UPB1: variants seen among roughly 807,000 people sequenced by gnomAD.
The protein encoded by UPB1 is beta-ureidopropionase 1.
In UPB1, 40 loss-of-function variants were observed where a neutral mutation model predicts 49.1. That is an observed-to-expected ratio of 0.81 (90% CI 0.63 to 1.06). The LOEUF (loss-of-function observed/expected upper bound fraction) is 1.06. UPB1 is among the 50% of genes least tolerant of loss of function. UPB1 has a pLI of 0.00. For missense variants in UPB1, 499 were observed against 505.9 expected, an observed-to-expected ratio of 0.99 and a Z score of 0.13; for synonymous variants, 207 against 198.2, an observed-to-expected ratio of 1.04 and a Z score of -0.38.
chr22:24,517,939 C>T (rs537874626), intron 6 of UPB1, among the ~76,000 whole-genome samples: 155 of 152,260 alleles, frequency 1.0e-3, no homozygotes, highest in African/African-American at 3.3e-3. Flanking sequence ...CCAAGGCTGG[C>T]GGATCACTTG....
At chr22:24,522,457 C>T (rs2044411489) in intron 8 of UPB1, among the ~76,000 whole-genome samples, 1 of 152,194 alleles carries the variant, frequency 6.6e-6, no homozygotes, top group African/African-American at 2.4e-5. Context: ...TTCTAGAGTC[C>T]ATGGCTTGTT....
chr22:24,507,392 A>G (rs951226685), intron 3 of UPB1, among the ~76,000 whole-genome samples: 1 of 151,932 alleles, frequency 6.6e-6, no homozygotes, highest in African/African-American at 2.4e-5. Flanking sequence ...CATTGGCGGG[A>G]TATTTACTGT....
chr22:24,501,366 C>T (rs1338652101), intron 2 of UPB1, among the ~76,000 whole-genome samples: 6 of 152,232 alleles, frequency 3.9e-5, no homozygotes, highest in Non-Finnish European at 8.8e-5. Flanking sequence ...GGGAGCCAGG[C>T]ATTGTGCCAA....
chr22:24,525,451 C>G (rs1005971815), intron 9 of UPB1, among the ~76,000 whole-genome samples: 1 of 152,182 alleles, frequency 6.6e-6, no homozygotes, highest in Non-Finnish European at 1.5e-5. Context: ...TCCCCTTCTC[C>G]ATCCTGCCTC....
chr22:24,525,719 C>T lies in UPB1; in HGVS notation c.1080C>T (p.Gly360=), dbSNP rs2044472008. The change falls in exon 10 of 10, where the codon GGC becomes GGT. Residue 360 remains glycine (G), a synonymous_variant. Coordinates refer to ENST00000326010, the MANE Select transcript of UPB1 (RefSeq NM_016327.3). Reference sequence around the variant, plus strand: ...CTGTGTTTTGCTTTCAGATGACGGGCAGGTATGAGATGTACGCACGGGAGC... The same window carrying T: ...CTGTGTTTTGCTTTCAGATGACGGGTAGGTATGAGATGTACGCACGGGAGC... ...VNDVWNFKMT[G]RYEMYARELA... is the part of the protein sequence containing the mutation. 6.2e-7 allele frequency: 1 copy of T among 1,614,148 alleles called. No homozygotes were observed. The highest frequency in any genetic ancestry group is 8.5e-7 in the Non-Finnish European group (1 of 1,180,032).
At chr22:24,523,952 G>C (rs75314055) in intron 9 of UPB1, among the ~76,000 whole-genome samples, 179 bp downstream of exon 9, 3,196 of 152,322 alleles carry the variant, frequency 0.021, 111 homozygotes, top group African/African-American at 0.074. Context: ...AGGAACAGTT[G>C]GGTCAAACAA....
At chr22:24,511,648 C>G (rs151290801) in intron 4 of UPB1, among the ~76,000 whole-genome samples, 12,745 of 140,480 alleles carry the variant, frequency 0.091, 702 homozygotes, top group African/African-American at 0.15. Context: ...GAGTCTCACT[C>G]TGTTGCCCAG....
Position 24,520,376 on chromosome 22 carries a change from C to T in UPB1, c.792-11C>T, listed in dbSNP as rs1188123292. On this transcript the variant is annotated splice_polypyrimidine_tract_variant and intron_variant, in intron 6 of 9. Coordinates refer to ENST00000326010, the MANE Select transcript of UPB1 (RefSeq NM_016327.3). ...GTCGGCAACCTGGTTCCTCTTGGTC[C>T]TCTCTTACAGCGAGTCCCTGTGGCC... is the stretch of plus-strand genomic sequence containing the variant. 6.2e-7 allele frequency: 1 copy of T among 1,614,036 alleles called. No individual in the cohort carries two copies. The highest frequency in any genetic ancestry group is 8.5e-7 in the Non-Finnish European group (1 of 1,179,958).
At chr22:24,521,908 C>T in intron 7 of UPB1, 78 bp from the exon 8 acceptor site, 3 of 1,487,906 alleles carry the variant, frequency 2.0e-6, no homozygotes, top group African/African-American at 1.4e-5. Flanking sequence ...TTGCCCTGCT[C>T]ATCTGGCTGA....
intron 3 of UPB1, among the ~76,000 whole-genome samples, chr22:24,504,576 C>G (rs567533400): frequency 6.6e-6 from 1 of 152,088 alleles, no homozygotes; most frequent in African/African-American, 2.4e-5. Flanking sequence ...TTCTTTTAGT[C>G]TAGAAACTTG....
Position 24,520,402 on chromosome 22 carries a change from C to T in UPB1, c.807C>T (p.Pro269=), listed in dbSNP as rs758948869. Residue 269 remains proline, a synonymous_variant, in exon 7 of 10, where the codon CCC becomes CCT. Coordinates refer to ENST00000326010, the MANE Select transcript of UPB1 (RefSeq NM_016327.3). The part of the protein sequence containing the change: ...TIGALSESLW[P]IEARNAAIAN... The stretch of plus-strand genomic sequence containing the variant: ...TCTCTTACAGCGAGTCCCTGTGGCC[C>T]ATCGAGGCCAGAAACGCAGCCATTG... 5 of 1,614,056 alleles carry T rather than the reference C, an allele frequency of 3.1e-6. No individual in the cohort carries two copies. Among genetic ancestry groups the T allele is most frequent in the Admixed American group, 3.3e-5 (2 of 60,014 alleles).
chr22:24,518,785 A>G (rs916460196), intron 6 of UPB1, among the ~76,000 whole-genome samples: 3 of 152,138 alleles, frequency 2.0e-5, no homozygotes, highest in Non-Finnish European at 2.9e-5. Context: ...AAAGATTTCT[A>G]CCACCTGTGT....
At position 24,513,328 on chromosome 22, in the gene UPB1, C is replaced by CTT; in HGVS notation, c.464_465insTT (p.Lys156Ter). On this transcript the variant is annotated frameshift_variant, in exon 5 of 10. Transcript: ENST00000326010. LOFTEE classifies it high-confidence loss of function. ...CCATATTTATCATTTTTCCAGCTGG[C>CTT]GAAGAACCATGACATGGTGGTGGTG... 1 of 1,614,094 alleles carries CTT rather than the reference C, an allele frequency of 6.2e-7. No homozygotes were observed. The highest frequency in any genetic ancestry group is 8.5e-7 in the Non-Finnish European group (1 of 1,180,016).
At chr22:24,505,436 G>T (rs151259395) in intron 3 of UPB1, among the ~76,000 whole-genome samples, 42 of 152,308 alleles carry the variant, frequency 2.8e-4, no homozygotes, top group African/African-American at 1.0e-3. Flanking sequence ...TAGTATCTCT[G>T]GGTCATTCTT....
intron 3 of UPB1, among the ~76,000 whole-genome samples, chr22:24,509,360 T>TAA (rs1409844162): frequency 1.3e-5 from 1 of 76,990 alleles, no homozygotes; most frequent in African/African-American, 6.0e-5. Context: ...ACCTACTGTT[T>TAA]GAAAAAAAAA....
chr22:24,520,328 C>T, intron 6 of UPB1, 59 bp from the exon 7 acceptor site: 1 of 1,579,592 alleles, frequency 6.3e-7, no homozygotes, highest in Non-Finnish European at 8.7e-7. Flanking sequence ...CAGGGCTGAG[C>T]ATCCACTGAG....
At chr22:24,511,422 C>T (rs1007136488) in intron 4 of UPB1, among the ~76,000 whole-genome samples, 1 of 151,814 alleles carries the variant, frequency 6.6e-6, no homozygotes, top group South Asian at 2.1e-4. Context: ...ACAAAGTTTC[C>T]GTTTAGGGTG....
rs1030930439 is a variant in UPB1, at chr22:24,526,149, C to T, written c.*355C>T. The T allele has an allele frequency of 3.1e-5, 11 of 360,118 alleles. No individual in the cohort carries two copies. The highest frequency in any genetic ancestry group is 8.5e-5 in the African/African-American group (4 of 46,990). 22.3% of individuals were successfully genotyped at this position (360,118 alleles called of 1,614,324 possible). A position where few individuals can be genotyped will look rare whatever the true frequency, so the allele number is the denominator to read the frequency against. On this transcript the variant is annotated 3_prime_UTR_variant, in exon 10 of 10. Coordinates refer to ENST00000326010, the MANE Select transcript of UPB1 (RefSeq NM_016327.3). ...GTTAGGCAGATGATGCTGTCCATCC[C>T]GTACACCAGTGGGAAGAGGGTGAGG...
chr22:24,497,899 G>A lies in UPB1; in HGVS notation c.105-2208G>A, dbSNP rs145856948. Among the ~76,000 whole-genome samples, 648 of 152,318 alleles carry A rather than the reference G, an allele frequency of 4.3e-3. 5 individuals carry two copies. The highest frequency in any genetic ancestry group is 0.014 in the African/African-American group (575 of 41,558). On this transcript the variant is annotated intron_variant, in intron 1 of 9. Coordinates refer to ENST00000326010, the MANE Select transcript of UPB1 (RefSeq NM_016327.3). Reference sequence around the variant, plus strand: ...TGGACAGCCCTTTGGGAACGTCCTAGTGAACACTGTCCTCAGCCTGTGGTC... The same window carrying A: ...TGGACAGCCCTTTGGGAACGTCCTAATGAACACTGTCCTCAGCCTGTGGTC...
Sources: gnomAD v4.1 joint callset for allele counts (sites outside exome capture counted in the v4.1 genomes callset) on GRCh38, gnomAD v4.1.1 for gene constraint, MANE v1.5 for transcripts, NCBI Gene and HGNC (gene_info 2026-07-23, HGNC 2026-07-21) for gene names.